The following CSMD1 variants were observed in gnomAD, a reference collection of about 807,000 sequenced individuals.
The protein encoded by CSMD1 is CUB and sushi domain-containing protein 1.
CSMD1 carries 213 observed loss-of-function variants against 417.5 expected under a neutral mutation model. The observed-to-expected ratio is 0.51, with a 90% CI of 0.46 to 0.57. CSMD1 has a LOEUF of 0.57. Ranked by LOEUF, CSMD1 falls within the 20% of genes least tolerant of loss-of-function variation. The pLI, the probability that CSMD1 is intolerant of heterozygous loss-of-function variation, is 0.00. For synonymous variants in CSMD1, 2,862 were observed against 1,736.8 expected (o/e 1.65, Z -16.11); for missense variants, 6,923 against 4,529.7 (o/e 1.53, Z -15.17).
chr8:3,819,279 C>A (rs899983277), intron 5 of CSMD1, among the ~76,000 whole-genome samples: 1 of 152,114 alleles, frequency 6.6e-6, no homozygotes, highest in Admixed American at 6.5e-5. Flanking sequence ...TAAGGAACTT[C>A]TCACCTCATG....
chr8:3,998,163 C>G (rs535956960), intron 4 of CSMD1, 53 bp from the exon 5 acceptor site: 20 of 1,463,770 alleles, frequency 1.4e-5, no homozygotes, highest in Admixed American at 2.0e-5. Flanking sequence ...GGTTTTCATA[C>G]ACGAGTGTGT....
chr8:2,953,128 T>C (rs1046777709), intron 65 of CSMD1, among the ~76,000 whole-genome samples: 2 of 152,096 alleles, frequency 1.3e-5, no homozygotes, highest in Non-Finnish European at 2.9e-5. Context: ...CACACAACAA[T>C]AATAACAAAA....
intron 49 of CSMD1, among the ~76,000 whole-genome samples, chr8:3,060,676 T>G (rs577745911): frequency 1.3e-5 from 2 of 152,298 alleles, no homozygotes; most frequent in African/African-American, 4.8e-5. Context: ...ATTTCAAATC[T>G]GATACAGGTG....
chr8:4,567,409 G>A (rs1031227910), intron 2 of CSMD1, among the ~76,000 whole-genome samples: 2 of 152,154 alleles, frequency 1.3e-5, no homozygotes, highest in African/African-American at 2.4e-5. Context: ...CAGCTGTGGA[G>A]AAAACAACAA....
At chr8:4,769,712 A>C (rs1316031683) in intron 1 of CSMD1, among the ~76,000 whole-genome samples, 1 of 152,176 alleles carries the variant, frequency 6.6e-6, no homozygotes, top group African/African-American at 2.4e-5. Context: ...GGAGGTGGGA[A>C]ACGAAGTGAA....
intron 1 of CSMD1, among the ~76,000 whole-genome samples, chr8:4,985,592 A>T (rs1216515949): frequency 6.6e-6 from 1 of 152,208 alleles, no homozygotes; most frequent in East Asian, 1.9e-4. Flanking sequence ...TATCTTCCCT[A>T]AATCACAGTA....
chr8:3,529,103 A>G (rs1179097243), intron 10 of CSMD1, among the ~76,000 whole-genome samples: 2 of 152,214 alleles, frequency 1.3e-5, no homozygotes, highest in African/African-American at 2.4e-5. Context: ...ACTTCTTTGA[A>G]AAGTGAACTA....
intron 1 of CSMD1, among the ~76,000 whole-genome samples, chr8:4,718,503 C>T (rs1048335433): frequency 5.9e-5 from 9 of 151,770 alleles, no homozygotes; most frequent in South Asian, 4.2e-4. Context: ...CTAATATTCC[C>T]GCTGTCAATT....
intron 5 of CSMD1, among the ~76,000 whole-genome samples, chr8:3,771,293 G>A (rs1281979305): frequency 6.6e-6 from 1 of 152,124 alleles, no homozygotes; most frequent in Non-Finnish European, 1.5e-5. Context: ...GCACCTGCTG[G>A]TGCTTCTGGA....
At chr8:3,847,011 C>T (rs990572687) in intron 5 of CSMD1, among the ~76,000 whole-genome samples, 3 of 152,168 alleles carry the variant, frequency 2.0e-5, no homozygotes, top group Middle Eastern at 3.4e-3. Context: ...TTTCCAGATC[C>T]ACAGCAGATC....
chr8:3,815,331 A>G (rs1396661942), intron 5 of CSMD1, among the ~76,000 whole-genome samples: 1 of 152,190 alleles, frequency 6.6e-6, no homozygotes, highest in African/African-American at 2.4e-5. Context: ...TGAACAAATC[A>G]TGCATTTTCG....
chr8:3,683,287 C>A (rs1032531577), intron 7 of CSMD1, among the ~76,000 whole-genome samples: 4 of 151,402 alleles, frequency 2.6e-5, no homozygotes, highest in Admixed American at 2.0e-4. Context: ...GCCTGTGGAC[C>A]CAGAATATGG....
In CSMD1 at chr8:4,733,024, G is replaced by GA. The variant is rs11308667; in HGVS notation, c.86-95467dup. Among the ~76,000 whole-genome samples, 1,205 of 149,194 alleles carry GA rather than the reference G, an allele frequency of 8.1e-3. 7 individuals carry two copies. The highest frequency in any genetic ancestry group is 0.021 in the African/African-American group (847 of 40,480). On this transcript the variant is annotated intron_variant, in intron 1 of 69. Transcript: ENST00000635120. ...CTCTTTCATTTGCACGGTTTCTTTG[G>GA]AAAAAAAAAAATCCCCAAATGAAAA...
chr8:4,626,652 C>G lies in CSMD1; in HGVS notation c.302+10690G>C, dbSNP rs186434090. On this transcript the variant is annotated intron_variant, in intron 2 of 69. Coordinates refer to ENST00000635120, the MANE Select transcript of CSMD1 (RefSeq NM_033225.6). Reference sequence around the variant, plus strand: ...GGGAGGGCAGGGCGCCAGCTTGATTCTGAGGAAGAGCTCTGCAGTGGGCTT... The same window carrying G: ...GGGAGGGCAGGGCGCCAGCTTGATTGTGAGGAAGAGCTCTGCAGTGGGCTT... Among the ~76,000 whole-genome samples the G allele has an allele frequency of 1.5e-4, 23 of 152,218 alleles. 2 individuals are homozygous for G. In the East Asian group the frequency reaches 3.9e-3, roughly 26 times the overall value.
intron 7 of CSMD1, among the ~76,000 whole-genome samples, chr8:3,672,176 G>A (rs558579629): frequency 6.6e-6 from 1 of 151,958 alleles, no homozygotes; most frequent in Non-Finnish European, 1.5e-5. Context: ...TTATGGTCAG[G>A]GATCTTATAA....
At chr8:4,864,773 T>C (rs961831543) in intron 1 of CSMD1, among the ~76,000 whole-genome samples, 6 of 151,582 alleles carry the variant, frequency 4.0e-5, no homozygotes, top group Non-Finnish European at 3.0e-5. Context: ...ATTATTTTCA[T>C]ACGTTAGCTA....
chr8:3,250,138 G>C (rs749825211), intron 26 of CSMD1, among the ~76,000 whole-genome samples: 1 of 152,104 alleles, frequency 6.6e-6, no homozygotes, highest in East Asian at 1.9e-4. Context: ...TACATGTGCC[G>C]TGTTGGTGTG....
At chr8:3,374,392 G>A (rs756295067) in intron 18 of CSMD1, among the ~76,000 whole-genome samples, 1 of 152,130 alleles carries the variant, frequency 6.6e-6, no homozygotes, top group Non-Finnish European at 1.5e-5. Context: ...TCTGGGCATA[G>A]AACAATGAAT....
At chr8:4,802,418 G>T (rs552292182) in intron 1 of CSMD1, among the ~76,000 whole-genome samples, 1 of 151,846 alleles carries the variant, frequency 6.6e-6, no homozygotes, top group Admixed American at 6.6e-5. Flanking sequence ...ACTTAACTTT[G>T]GGAATTAACC....
Sources: gnomAD v4.1 joint callset for allele counts (sites outside exome capture counted in the v4.1 genomes callset) on GRCh38, gnomAD v4.1.1 for gene constraint, MANE v1.5 for transcripts, NCBI Gene and HGNC (gene_info 2026-07-23, HGNC 2026-07-21) for gene names.